The following OPCML variants were observed in gnomAD, a reference collection of about 807,000 sequenced individuals.
OPCML encodes the protein opioid-binding protein/cell adhesion molecule.
OPCML carries 13 observed loss-of-function variants against 37.8 expected under a neutral mutation model. The observed-to-expected ratio is 0.34, with a 90% CI of 0.22 to 0.55. The LOEUF (loss-of-function observed/expected upper bound fraction) is 0.55, where lower values mean the gene tolerates loss of function less well. OPCML is among the 20% of genes least tolerant of loss of function. The pLI, the probability that OPCML is intolerant of heterozygous loss-of-function variation, is 0.91. For missense variants in OPCML, 341 were observed against 435.6 expected (o/e 0.78, Z 1.93); for synonymous variants, 176 against 168.8 (o/e 1.04, Z -0.33).
chr11:132,672,340 A>G (rs975872557), intron 2 of OPCML, among the ~76,000 whole-genome samples: 5 of 152,222 alleles, frequency 3.3e-5, no homozygotes, highest in African/African-American at 9.6e-5. Context: ...TTAGTAAATT[A>G]TTCGTCTTGT....
chr11:132,518,365 T>A (rs2096284837), intron 4 of OPCML, among the ~76,000 whole-genome samples: 1 of 152,212 alleles, frequency 6.6e-6, no homozygotes, highest in African/African-American at 2.4e-5. Flanking sequence ...CTGAGGATGA[T>A]GGCTTCCAGC....
chr11:132,765,288 C>T (rs1037559772), intron 2 of OPCML, among the ~76,000 whole-genome samples: 2 of 152,284 alleles, frequency 1.3e-5, no homozygotes, highest in Middle Eastern at 3.4e-3. Flanking sequence ...GTAAACAAGA[C>T]GTCGTCAGTG....
intron 1 of OPCML, among the ~76,000 whole-genome samples, chr11:133,295,799 C>T (rs76327205): frequency 0.048 from 7,382 of 152,268 alleles, 205 homozygotes; most frequent in Middle Eastern, 0.071. Context: ...TAAATTCTAT[C>T]TGGTACAGGT....
chr11:133,432,660 A>G (rs1170577318), intron 1 of OPCML, among the ~76,000 whole-genome samples: 1 of 152,146 alleles, frequency 6.6e-6, no homozygotes, highest in Admixed American at 6.5e-5. Flanking sequence ...TCAATTAGGC[A>G]TATGTTAGAC....
intron 3 of OPCML, among the ~76,000 whole-genome samples, chr11:132,620,251 C>T (rs1233810131): frequency 6.6e-6 from 1 of 152,190 alleles, no homozygotes; most frequent in Non-Finnish European, 1.5e-5. Context: ...AACTCACAGA[C>T]ATAAAACACA....
At chr11:133,500,228 A>T (rs1226134734) in intron 1 of OPCML, among the ~76,000 whole-genome samples, 2 of 152,092 alleles carry the variant, frequency 1.3e-5, no homozygotes, top group African/African-American at 4.8e-5. Flanking sequence ...AATAGCAAAA[A>T]TCACTATTTC....
chr11:133,100,906 A>G (rs558202601), intron 1 of OPCML, among the ~76,000 whole-genome samples: 1 of 151,888 alleles, frequency 6.6e-6, no homozygotes, highest in Admixed American at 6.5e-5. Flanking sequence ...GGATACAACA[A>G]TGTGTTATTT....
chr11:132,435,995 C>T, intron 7 of OPCML, 91 bp downstream of exon 7: 1 of 1,370,334 alleles, frequency 7.3e-7, no homozygotes, highest in Admixed American at 2.3e-5. Flanking sequence ...TGGATGGACA[C>T]AGGCCAAGCA....
At chr11:133,511,942 G>A (rs1017171701) in intron 1 of OPCML, among the ~76,000 whole-genome samples, 1 of 152,184 alleles carries the variant, frequency 6.6e-6, no homozygotes, top group Non-Finnish European at 1.5e-5. Flanking sequence ...CAATGGCCAT[G>A]TCTGAAAAGA....
intron 2 of OPCML, among the ~76,000 whole-genome samples, chr11:132,920,799 G>A (rs1367741272): frequency 6.6e-6 from 1 of 152,170 alleles, no homozygotes; most frequent in Non-Finnish European, 1.5e-5. Flanking sequence ...AACTGACCTC[G>A]AAAGAGAGGG....
chr11:133,343,682 G>C (rs1394404911), intron 1 of OPCML, among the ~76,000 whole-genome samples: 2 of 152,148 alleles, frequency 1.3e-5, no homozygotes, highest in Non-Finnish European at 2.9e-5. Context: ...CTTTTCAGCT[G>C]TCTACCTAGC....
intron 1 of OPCML, among the ~76,000 whole-genome samples, chr11:133,063,829 T>C (rs1254563954): frequency 1.3e-5 from 2 of 152,156 alleles, no homozygotes; most frequent in Non-Finnish European, 2.9e-5. Flanking sequence ...CCCAAAGTGC[T>C]GGGATTACAG....
intron 2 of OPCML, among the ~76,000 whole-genome samples, chr11:132,825,575 G>A (rs11223226): frequency 0.038 from 5,806 of 152,296 alleles, 134 homozygotes; most frequent in Middle Eastern, 0.075. Flanking sequence ...GGTCTGGCAC[G>A]TATAAGACAT....
Position 133,368,716 on chromosome 11 carries a change from A to G in OPCML, c.61+163548T>C, listed in dbSNP as rs191770848. The stretch of plus-strand genomic sequence containing the variant: ...AGTTATTTTATTCCCCTCACTTTTA[A>G]AAATCTAGAACAAGCTGATATTCAT... On this transcript the variant is annotated intron_variant, in intron 1 of 7. Transcript: ENST00000524381. Among the ~76,000 whole-genome samples the G allele has an allele frequency of 3.1e-3, 468 of 152,258 alleles. 2 individuals carry two copies. The highest frequency in any genetic ancestry group is 9.9e-3 in the African/African-American group (411 of 41,548).
intron 2 of OPCML, among the ~76,000 whole-genome samples, chr11:132,766,358 G>A (rs1055294056): frequency 1.3e-5 from 2 of 152,150 alleles, no homozygotes; most frequent in Admixed American, 6.5e-5. Context: ...ACATTAAAGT[G>A]GAGAATCCTG....
At chr11:133,294,740 A>G (rs1214098624) in intron 1 of OPCML, among the ~76,000 whole-genome samples, 3 of 150,712 alleles carry the variant, frequency 2.0e-5, no homozygotes, top group African/African-American at 7.3e-5. Context: ...TAATGAATTA[A>G]TATGGACAAA....
At chr11:133,319,173 A>G (rs952200362) in intron 1 of OPCML, among the ~76,000 whole-genome samples, 7 of 152,246 alleles carry the variant, frequency 4.6e-5, no homozygotes, top group Non-Finnish European at 7.3e-5. Flanking sequence ...TAGGATACCA[A>G]TCAGAAAGAG....
intron 3 of OPCML, among the ~76,000 whole-genome samples, chr11:132,551,986 G>A (rs2096382760): frequency 6.6e-6 from 1 of 152,116 alleles, no homozygotes; most frequent in Admixed American, 6.5e-5. Flanking sequence ...CCTCAATTCC[G>A]ATTTTGATTT....
chr11:132,494,223 T>A (rs894182770), intron 4 of OPCML, among the ~76,000 whole-genome samples: 1 of 152,226 alleles, frequency 6.6e-6, no homozygotes, highest in Admixed American at 6.5e-5. Context: ...CGTGTTGGGT[T>A]TGTCTTCCCA....
Sources: allele counts gnomAD v4.1 joint callset (sites outside exome capture counted in the v4.1 genomes callset), GRCh38; gene constraint gnomAD v4.1.1; transcripts MANE v1.5; gene names NCBI Gene and HGNC (gene_info 2026-07-23, HGNC 2026-07-21).